EIF4EBP1: variants seen among roughly 807,000 people sequenced by gnomAD.
EIF4EBP1 encodes eukaryotic translation initiation factor 4E-binding protein 1.
EIF4EBP1 carries 5 observed loss-of-function variants against 9.2 expected under a neutral mutation model. The observed-to-expected ratio is 0.54, with a 90% CI of 0.28 to 1.14. EIF4EBP1 has a LOEUF of 1.14. Ranked by LOEUF, EIF4EBP1 falls within the 50% of genes most tolerant of loss-of-function variation. The probability of loss-of-function intolerance (pLI) is 0.09; values close to 1 mark genes in which losing one functional copy is unlikely to be tolerated. For synonymous variants in EIF4EBP1, 62 were observed against 67.0 expected (o/e 0.93, Z 0.36); for missense variants, 139 against 169.6 (o/e 0.82, Z 1.00).
chr8:38,037,525 G>T (rs1809320939), intron 1 of EIF4EBP1, among the ~76,000 whole-genome samples: 1 of 151,768 alleles, frequency 6.6e-6, no homozygotes, highest in Admixed American at 6.6e-5. Flanking sequence ...ATGTTGGCCA[G>T]GATGGTCTCA....
intron 1 of EIF4EBP1, among the ~76,000 whole-genome samples, chr8:38,055,019 G>C (rs184156502): frequency 6.6e-6 from 1 of 152,266 alleles, no homozygotes; most frequent in Admixed American, 6.5e-5. Context: ...CATAGGCAAT[G>C]AGCAGGGCTG....
At chr8:38,039,279 A>G (rs1175375681) in intron 1 of EIF4EBP1, among the ~76,000 whole-genome samples, 1 of 151,806 alleles carries the variant, frequency 6.6e-6, no homozygotes, top group Non-Finnish European at 1.5e-5. Context: ...CCCACTATAG[A>G]GTCTATAGTG....
chr8:38,051,769 G>A (rs1441679291), intron 1 of EIF4EBP1, among the ~76,000 whole-genome samples: 1 of 151,958 alleles, frequency 6.6e-6, no homozygotes, highest in African/African-American at 2.4e-5. Context: ...GCTAATTTTT[G>A]TGTTTTTAAT....
At chr8:38,052,343 C>T (rs1464692859) in intron 1 of EIF4EBP1, among the ~76,000 whole-genome samples, 2 of 151,948 alleles carry the variant, frequency 1.3e-5, no homozygotes, top group Non-Finnish European at 2.9e-5. Flanking sequence ...TCACCACAGC[C>T]TCAATCTCTC....
intron 1 of EIF4EBP1, among the ~76,000 whole-genome samples, chr8:38,033,999 G>A (rs1809267875): frequency 6.6e-6 from 1 of 151,996 alleles, no homozygotes; most frequent in African/African-American, 2.4e-5. Context: ...GCCTGCATTG[G>A]CCTCCCAAAG....
At chr8:38,030,934 CTCTT>C (rs1469495470) in intron 1 of EIF4EBP1, among the ~76,000 whole-genome samples, 1 of 152,194 alleles carries the variant, frequency 6.6e-6, no homozygotes, top group African/African-American at 2.4e-5. Context: ...CGTTTGTTTC[CTCTT>C]TCTGTTAGGT....
intron 1 of EIF4EBP1, among the ~76,000 whole-genome samples, chr8:38,054,322 A>G (rs1370702300): frequency 6.6e-6 from 1 of 152,214 alleles, no homozygotes; most frequent in East Asian, 1.9e-4. Flanking sequence ...GTGATAGCAC[A>G]TGCCTGTTGT....
chr8:38,050,974 C>T (rs543041444), intron 1 of EIF4EBP1, among the ~76,000 whole-genome samples: 1 of 152,264 alleles, frequency 6.6e-6, no homozygotes, highest in Non-Finnish European at 1.5e-5. Flanking sequence ...GCTTAAGGCT[C>T]ACCATTCAGG....
At chr8:38,035,465 G>A (rs1329921500) in intron 1 of EIF4EBP1, among the ~76,000 whole-genome samples, 1 of 152,006 alleles carries the variant, frequency 6.6e-6, no homozygotes, top group African/African-American at 2.4e-5. Context: ...TGATCCACCC[G>A]CCTCAGCTTC....
At chr8:38,042,140 G>A (rs1809390107) in intron 1 of EIF4EBP1, among the ~76,000 whole-genome samples, 1 of 152,108 alleles carries the variant, frequency 6.6e-6, no homozygotes, top group South Asian at 2.1e-4. Context: ...CAGGCTTTGG[G>A]AACACTCTTC....
At chr8:38,039,174 G>T (rs1485584916) in intron 1 of EIF4EBP1, among the ~76,000 whole-genome samples, 1 of 152,024 alleles carries the variant, frequency 6.6e-6, no homozygotes, top group East Asian at 1.9e-4. Context: ...TTACAGGCGT[G>T]AGCCACCACA....
chr8:38,045,848 C>G (rs1809441570), intron 1 of EIF4EBP1, among the ~76,000 whole-genome samples: 1 of 152,104 alleles, frequency 6.6e-6, no homozygotes, highest in African/African-American at 2.4e-5. Flanking sequence ...AAGCCATCCT[C>G]CTGCCTCAGC....
Position 38,042,019 on chromosome 8 carries a change from A to G in EIF4EBP1, c.145+11301A>G, listed in dbSNP as rs144023431. On this transcript the variant is annotated intron_variant, in intron 1 of 2. Transcript: ENST00000338825. ...AAGAAAAAAAAAAAGCAAACCACAC[A>G]GGTGGCCATGATGCTGGACCGCTAA... 9.7e-3 allele frequency among the ~76,000 whole-genome samples: 1,471 copies of G among 151,656 alleles called. 25 individuals carry two copies. The highest frequency in any genetic ancestry group is 0.034 in the African/African-American group (1,396 of 41,394).
intron 1 of EIF4EBP1, among the ~76,000 whole-genome samples, chr8:38,039,658 C>T (rs557466005): frequency 3.9e-5 from 6 of 152,208 alleles, no homozygotes; most frequent in African/African-American, 1.2e-4. Context: ...CCCGCCTCAG[C>T]CTCCCAAAGT....
At chr8:38,058,863 T>C (rs1433591865) in intron 2 of EIF4EBP1, among the ~76,000 whole-genome samples, 2 of 151,972 alleles carry the variant, frequency 1.3e-5, no homozygotes, top group East Asian at 3.9e-4. Context: ...GCAGGATGAA[T>C]ACTTGAGGCC....
In EIF4EBP1 at chr8:38,031,213, CT is replaced by C. The variant is rs1345438350; in HGVS notation, c.145+496del. Among the ~76,000 whole-genome samples, 17 of 152,326 alleles carry C rather than the reference CT, an allele frequency of 1.1e-4. No homozygotes were observed. The South Asian group carries it at 3.5e-3, about 32-fold the overall frequency. ...CGCGCGCTCTGACTGAGGTTCGGAT[CT>C]GGGGGTGCTTGCCTGCTCCAGCAGC... On this transcript the variant is annotated intron_variant, in intron 1 of 2. Coordinates refer to ENST00000338825, the MANE Select transcript of EIF4EBP1 (RefSeq NM_004095.4).
chr8:38,032,764 C>T (rs764926899), intron 1 of EIF4EBP1, among the ~76,000 whole-genome samples: 1 of 152,206 alleles, frequency 6.6e-6, no homozygotes, highest in Non-Finnish European at 1.5e-5. Flanking sequence ...AGCTCACAGT[C>T]CCTAAGCCAG....
At chr8:38,039,647 GC>G (rs990129373) in intron 1 of EIF4EBP1, among the ~76,000 whole-genome samples, 31 of 151,868 alleles carry the variant, frequency 2.0e-4, no homozygotes, top group African/African-American at 7.0e-4. Flanking sequence ...CAAGTGATCT[GC>G]CCGCCTCAGC....
At chr8:38,041,673 G>C (rs551536089) in intron 1 of EIF4EBP1, among the ~76,000 whole-genome samples, 1 of 152,136 alleles carries the variant, frequency 6.6e-6, no homozygotes, top group Non-Finnish European at 1.5e-5. Flanking sequence ...CTGTTCTCAC[G>C]GCCTTATGTT....
Sources: gnomAD v4.1 joint callset for allele counts (sites outside exome capture counted in the v4.1 genomes callset) on GRCh38, gnomAD v4.1.1 for gene constraint, MANE v1.5 for transcripts, NCBI Gene and HGNC (gene_info 2026-07-23, HGNC 2026-07-21) for gene names.